Variants in KIAA1549L observed in about 807,000 individuals in gnomAD.
KIAA1549L encodes UPF0606 protein KIAA1549L.
A neutral mutation model predicts 160.7 loss-of-function variants in KIAA1549L; 88 were observed. That is an observed-to-expected ratio of 0.55 (90% CI 0.46 to 0.65). KIAA1549L has a LOEUF of 0.65. Among genes scored for constraint, KIAA1549L ranks in the 30% least tolerant of loss-of-function variants. The probability of loss-of-function intolerance (pLI) is 0.00; values close to 1 mark genes in which losing one functional copy is unlikely to be tolerated. For synonymous variants in KIAA1549L, 950 were observed against 976.7 expected (o/e 0.97, Z 0.51); for missense variants, 2,258 against 2,437.5 (o/e 0.93, Z 1.55).
rs368033259 is a variant in KIAA1549L at position 33,658,866 on chromosome 11, C to T, written c.5975C>T (p.Thr1992Met). 6.3e-5 allele frequency: 98 copies of T among 1,560,876 alleles called. No homozygotes were observed. The African/African-American group carries it at 6.5e-4, about 10-fold the overall frequency. Reference sequence around the variant, plus strand: ...ATGTCCAGAGGCCCTGTGTCCGTGACGCAGTTGGATCAGTCGGCTTTAAAT... The same window carrying T: ...ATGTCCAGAGGCCCTGTGTCCGTGATGCAGTTGGATCAGTCGGCTTTAAAT... ...TQMSRGPVSV[T>M]QLDQSALNYS... The change falls in exon 19 of 21, where the codon ACG becomes ATG. Residue 1992 changes from threonine to methionine, a missense_variant. Around this residue, in one of 6 missense-constraint regions of KIAA1549L, gnomAD observed 1,359 missense variants for 1,546.6 expected, o/e 0.88. Transcript: ENST00000658780.
chr11:33,605,190 GTTT>G lies in KIAA1549L; in HGVS notation c.4880-1446_4880-1444del, dbSNP rs869096985. ...GTTTTGTTTTGTTTTGTTTTGTTTT[GTTT>G]TTTTACAACTAAGCCTTGGAAGTAA... is the stretch of plus-strand genomic sequence containing the variant. On this transcript the variant is annotated intron_variant, in intron 13 of 20. Transcript: ENST00000658780. Among the ~76,000 whole-genome samples, 241 of 135,602 alleles carry G rather than the reference GTTT, an allele frequency of 1.8e-3. 1 individual carries two copies. Among genetic ancestry groups the G allele is most frequent in the African/African-American group, 7.0e-3 (227 of 32,338 alleles). 89.0% of individuals were successfully genotyped at this position (135,602 alleles called of 152,430 possible). A position where few individuals can be genotyped will look rare whatever the true frequency, so the allele number is the denominator to read the frequency against.
chr11:33,539,524 T>C (rs1371441912), intron 1 of KIAA1549L, among the ~76,000 whole-genome samples: 1 of 152,222 alleles, frequency 6.6e-6, no homozygotes, highest in African/African-American at 2.4e-5. Flanking sequence ...GTCAGCAGAG[T>C]CCATAGGGGA....
intron 1 of KIAA1549L, among the ~76,000 whole-genome samples, chr11:33,440,809 C>T (rs1851486109): frequency 1.3e-5 from 2 of 152,178 alleles, no homozygotes; most frequent in East Asian, 3.9e-4. Context: ...GTTATAAGCT[C>T]CATCCATTTT....
intron 15 of KIAA1549L, 78 bp downstream of exon 15, chr11:33,610,044 G>A (rs1203973493): frequency 9.4e-7 from 1 of 1,060,184 alleles, no homozygotes; most frequent in Middle Eastern, 2.1e-4. Context: ...GTATATCCTG[G>A]TTCCTTATCT....
At chr11:33,649,731 G>A (rs10742302) in intron 17 of KIAA1549L, among the ~76,000 whole-genome samples, 48,132 of 151,396 alleles carry the variant, frequency 0.32, 7,677 homozygotes, top group South Asian at 0.38. Flanking sequence ...CGATTCTGCC[G>A]CAACACTTGG....
At position 33,581,941 on chromosome 11, in the gene KIAA1549L, TA is replaced by T. The variant is rs909641042; in HGVS notation, c.4403-1389del. Among the ~76,000 whole-genome samples, 16 of 152,006 alleles carry T rather than the reference TA, an allele frequency of 1.1e-4. 1 individual carries two copies. The highest frequency in any genetic ancestry group is 9.7e-4 in the East Asian group (5 of 5,170). ...GGTAAAAGCTGAACATTCTTGCTAA[TA>T]AAAAAAAGCATGTATTTATTTAGGG... On this transcript the variant is annotated intron_variant, in intron 10 of 20. Coordinates refer to ENST00000658780, the MANE Select transcript of KIAA1549L (RefSeq NM_012194.3).
At chr11:33,469,327 T>C (rs1401846916) in intron 1 of KIAA1549L, among the ~76,000 whole-genome samples, 1 of 152,222 alleles carries the variant, frequency 6.6e-6, no homozygotes, top group African/African-American at 2.4e-5. Flanking sequence ...GCATGATGTT[T>C]TCCAGGTTTA....
chr11:33,472,275 CTTTTT>C (rs76771436), intron 1 of KIAA1549L, among the ~76,000 whole-genome samples: 2 of 102,780 alleles, frequency 1.9e-5, no homozygotes, highest in African/African-American at 3.8e-5. Context: ...TCATGCCTGG[CTTTTT>C]TTTTTTTTTT....
rs763582127 is a variant in KIAA1549L, at chr11:33,543,376, G to A, written c.1813G>A (p.Gly605Ser). The change falls in exon 2 of 21, where the codon GGT (glycine) becomes AGT (serine). Residue 605 changes from glycine (G) to serine (S), a missense_variant. Transcript: ENST00000658780. ...VNGFVSDFSTGSVSSPIITAP... is the reference protein window; with the variant it reads ...VNGFVSDFSTSSVSSPIITAP... ...TGGATTTGTCTCTGATTTCAGCACC[G>A]GTAGTGTCTCATCTCCCATCATTAC... The A allele has an allele frequency of 1.2e-5, 19 of 1,613,980 alleles. No individual in the cohort carries two copies. Among genetic ancestry groups the A allele is most frequent in the Middle Eastern group, 1.7e-4 (1 of 6,060 alleles).
intron 1 of KIAA1549L, among the ~76,000 whole-genome samples, chr11:33,400,291 T>C (rs1850471363): frequency 6.6e-6 from 1 of 152,160 alleles, no homozygotes; most frequent in Admixed American, 6.5e-5. Context: ...CAGGGTTGCA[T>C]GAAAATAGCT....
At chr11:33,638,033 G>A (rs1851481214) in intron 16 of KIAA1549L, among the ~76,000 whole-genome samples, 1 of 152,092 alleles carries the variant, frequency 6.6e-6, no homozygotes, top group African/African-American at 2.4e-5. Flanking sequence ...TGAAAACATG[G>A]CATCTCCTCA....
chr11:33,407,991 G>A (rs1303519975), intron 1 of KIAA1549L, among the ~76,000 whole-genome samples: 2 of 152,108 alleles, frequency 1.3e-5, no homozygotes, highest in African/African-American at 2.4e-5. Context: ...AGCCCAAGAA[G>A]CTCATCAAGT....
intron 1 of KIAA1549L, among the ~76,000 whole-genome samples, chr11:33,419,979 CCTT>C (rs1425178856): frequency 6.6e-6 from 1 of 152,048 alleles, no homozygotes; most frequent in African/African-American, 2.4e-5. Flanking sequence ...TATTAGGCTT[CCTT>C]GTAATAAACA....
In KIAA1549L at chr11:33,614,568, ATATATATATATATATATTTTTTTTTTT is replaced by A. The variant is rs1829780041; in HGVS notation, c.5280-3963_5280-3937del. On this transcript the variant is annotated intron_variant, in intron 15 of 20. Transcript: ENST00000658780. ...TATATATATATATATATATATATAT[ATATATATATATATATATTTTTTTTTTT>A]TTTTTTTTTTTTTTTTTTTTGGTGT... Among the ~76,000 whole-genome samples the A allele has an allele frequency of 3.4e-4, 5 of 14,660 alleles. No individual in the cohort carries two copies. The African/African-American group carries it at 4.1e-3, about 12-fold the overall frequency. 9.6% of individuals were successfully genotyped at this position (14,660 alleles called of 152,430 possible). A position where few individuals can be genotyped will look rare whatever the true frequency, so the allele number is the denominator to read the frequency against.
At chr11:33,444,082 T>G (rs1851562466) in intron 1 of KIAA1549L, among the ~76,000 whole-genome samples, 1 of 152,216 alleles carries the variant, frequency 6.6e-6, no homozygotes, top group Non-Finnish European at 1.5e-5. Flanking sequence ...TTATTGAACT[T>G]ATATGTGAAT....
chr11:33,580,225 G>A (rs1469119827), intron 10 of KIAA1549L, among the ~76,000 whole-genome samples: 1 of 152,294 alleles, frequency 6.6e-6, no homozygotes, highest in East Asian at 1.9e-4. Flanking sequence ...CCAAGGAGAA[G>A]CATACCAGAG....
At chr11:33,614,573 T>TAC (rs1850752501) in intron 15 of KIAA1549L, among the ~76,000 whole-genome samples, 1 of 20,356 alleles carries the variant, frequency 4.9e-5, no homozygotes, top group Admixed American at 6.2e-4. Flanking sequence ...TATATATATA[T>TAC]ATATATATAT....
At chr11:33,467,093 A>G (rs1036964528) in intron 1 of KIAA1549L, among the ~76,000 whole-genome samples, 5 of 152,232 alleles carry the variant, frequency 3.3e-5, no homozygotes, top group African/African-American at 7.2e-5. Context: ...TGTTGTGCAC[A>G]TGTACCCTAG....
intron 1 of KIAA1549L, among the ~76,000 whole-genome samples, chr11:33,487,010 A>G (rs1423358796): frequency 6.6e-6 from 1 of 152,220 alleles, no homozygotes; most frequent in Non-Finnish European, 1.5e-5. Context: ...CATGATGAAT[A>G]TAAAGAAGTA....
Sources: gnomAD v4.1 joint callset for allele counts (sites outside exome capture counted in the v4.1 genomes callset) on GRCh38, gnomAD v4.1.1 for gene constraint, gnomAD v4.1.1 regional missense constraint, MANE v1.5 for transcripts, NCBI Gene and HGNC (gene_info 2026-07-23, HGNC 2026-07-21) for gene names.